Variants in CCDC88B observed in about 807,000 individuals in gnomAD.
CCDC88B encodes coiled-coil and HOOK domain protein 88B, also known as coiled-coil domain-containing protein 88B.
Under a neutral mutation model 183.7 loss-of-function variants are expected in CCDC88B, and 138 were observed. The observed-to-expected ratio is 0.75, with a 90% confidence interval of 0.65 to 0.87. The LOEUF is 0.87. Ranked by LOEUF, CCDC88B falls within the 40% of genes least tolerant of loss-of-function variation. The pLI, the probability that CCDC88B is intolerant of heterozygous loss-of-function variation, is 0.00. For synonymous variants in CCDC88B, 835 were observed against 867.5 expected (o/e 0.96, Z 0.66); for missense variants, 1,822 against 1,965.6 (o/e 0.93, Z 1.38).
rs1306691780 is a variant in CCDC88B, at chr11:64,353,463, G to A, written c.3800G>A (p.Arg1267Gln). 1.2e-5 allele frequency: 20 copies of A among 1,612,304 alleles called. No homozygotes were observed. In the South Asian group the frequency reaches 1.3e-4, roughly 11 times the overall value. The change falls in exon 22 of 27, where the codon CGG (arginine) becomes CAG (glutamine). Residue 1267 changes from arginine (R) to glutamine (Q), a missense_variant. Transcript: ENST00000356786. ...RELLERSLES[R>Q]DHLHREQREY... ...CTCCTGGAGCGCAGCCTGGAGAGTC[G>A]GGACCACCTGCACCGCGAACAGCGG... is the stretch of plus-strand genomic sequence containing the variant.
chr11:64,341,859 C>A, intron 7 of CCDC88B, 117 bp downstream of exon 7: 1 of 744,006 alleles, frequency 1.3e-6, no homozygotes, highest in South Asian at 2.3e-5. Flanking sequence ...GGTCTGAGGT[C>A]TTGGGCCATC....
Position 64,344,728 on chromosome 11 carries a change from C to T in CCDC88B, c.2187C>T (p.Ala729=). ...CCAGTGGTGTCGCAGAGCAGGAGGC[C>T]CTCAGGGAGGAGGTGGCACAGTTGA... ...SLASGVAEQE[A]LREEVAQLRR... The change falls in exon 14 of 27, where the codon GCC becomes GCT. Residue 729 remains alanine, a synonymous_variant. Transcript: ENST00000356786. The surrounding 1 kb of genome is among the most constrained non-coding windows in gnomAD (Gnocchi z 4.5). 1 of 1,614,098 alleles carries T rather than the reference C, an allele frequency of 6.2e-7. No homozygotes were observed. The highest frequency in any genetic ancestry group is 8.5e-7 in the Non-Finnish European group (1 of 1,180,006).
At position 64,357,073 on chromosome 11, in the gene CCDC88B, C is replaced by T. The variant is rs2036569180; in HGVS notation, c.4410C>T (p.Leu1470=). 3 of 1,609,866 alleles carry T rather than the reference C, an allele frequency of 1.9e-6. No homozygotes were observed. Among genetic ancestry groups the T allele is most frequent in the Non-Finnish European group, 2.5e-6 (3 of 1,177,536 alleles). Residue 1470 remains leucine (L), a synonymous_variant, in exon 27 of 27, where the codon CTC becomes CTT. Coordinates refer to ENST00000356786, the MANE Select transcript of CCDC88B (RefSeq NM_032251.6). ...PEVQEPEKRP[L]TPSLSQ ...TACAGGAACCGGAGAAACGTCCCCT[C>T]ACCCCATCCCTCAGCCAGTGACACC...
chr11:64,357,048 T>TACAGGAACCGGAC lies in CCDC88B; in HGVS notation c.4397_4398insCACAGGAACCGGA (p.Glu1466AspfsTer61). On this transcript the variant is annotated frameshift_variant, in exon 27 of 27. Transcript: ENST00000356786. LOFTEE classifies it high-confidence loss of function. ...GAGCCTTTCCCTCTAGGCCCTGAGG[T>TACAGGAACCGGAC]ACAGGAACCGGAGAAACGTCCCCTC... The TACAGGAACCGGAC allele has an allele frequency of 1.3e-6, 2 of 1,596,080 alleles. No homozygotes were observed. Among genetic ancestry groups the TACAGGAACCGGAC allele is most frequent in the Non-Finnish European group, 1.7e-6 (2 of 1,169,436 alleles).
chr11:64,354,685 G>GC (rs2036474298), intron 24 of CCDC88B, among the ~76,000 whole-genome samples: 2 of 29,630 alleles, frequency 6.7e-5, no homozygotes, highest in Non-Finnish European at 1.4e-4. Context: ...CCCTGCATGA[G>GC]CCTCCGCCCC....
intron 24 of CCDC88B, among the ~76,000 whole-genome samples, chr11:64,354,523 G>A (rs917755918): frequency 1.3e-5 from 2 of 152,026 alleles, no homozygotes; most frequent in Admixed American, 1.3e-4. Context: ...CATGCAGTGA[G>A]TTAGTATGAA....
At chr11:64,350,143 T>G (rs1455438726) in intron 16 of CCDC88B, 2 of 183,686 alleles carry the variant, frequency 1.1e-5, no homozygotes, top group East Asian at 1.4e-4. Context: ...GAGGAGGCCA[T>G]GCAGGGGCTT....
In CCDC88B at chr11:64,344,614, G is replaced by C. The variant is rs927482477; in HGVS notation, c.2073G>C (p.Arg691Ser). 6.2e-6 allele frequency: 10 copies of C among 1,612,580 alleles called. No homozygotes were observed. Among genetic ancestry groups the C allele is most frequent in the Non-Finnish European group, 8.5e-6 (10 of 1,179,410 alleles). Reference sequence around the variant, plus strand: ...ACCAGAGGCTGGAAGGGACGGTCAGGGACCCAGCCTGGCAAAAACCACAGC... The same window carrying C: ...ACCAGAGGCTGGAAGGGACGGTCAGCGACCCAGCCTGGCAAAAACCACAGC... Reference protein sequence around the residue: ...EHDQRLEGTVRDPAWQKPQQK... With the variant: ...EHDQRLEGTVSDPAWQKPQQK... The change falls in exon 14 of 27, where the codon AGG becomes AGC. Residue 691 changes from arginine (R) to serine (S), a missense_variant. Transcript: ENST00000356786. The surrounding 1 kb of genome is among the most constrained non-coding windows in gnomAD (Gnocchi z 4.5).
rs1321550221 is a variant in CCDC88B, at chr11:64,342,592, G to T, written c.974G>T (p.Arg325Leu). ...GAGGAGGCAGAGGCGCTGCGGGAGC[G>T]GGCCGGCCGCCTGCCCCGCCTGCAG... The part of the protein sequence containing the change: ...YREEAEALRE[R>L]AGRLPRLQEE... Residue 325 changes from arginine (R) to leucine (L), a missense_variant, in exon 10 of 27, where the codon CGG becomes CTG. Coordinates refer to ENST00000356786, the MANE Select transcript of CCDC88B (RefSeq NM_032251.6). The T allele has an allele frequency of 8.5e-6, 13 of 1,530,890 alleles. No homozygotes were observed. Among genetic ancestry groups the T allele is most frequent in the East Asian group, 2.5e-5 (1 of 40,796 alleles). The allele number at this position is 1,530,890 out of a possible 1,614,324, so 94.8% of individuals were successfully genotyped here.
intron 24 of CCDC88B, 134 bp from the exon 25 acceptor site, chr11:64,355,060 T>A: frequency 2.6e-6 from 1 of 382,614 alleles, no homozygotes; most frequent in Non-Finnish European, 4.0e-6. Flanking sequence ...TGCAGGAGCC[T>A]CAGCACCCCC....
Position 64,354,123 on chromosome 11 carries a change from GC to G in CCDC88B, c.4058del (p.Pro1353ArgfsTer256), listed in dbSNP as rs766453848. On this transcript the variant is annotated frameshift_variant, in exon 24 of 27. Transcript: ENST00000356786. LOFTEE classifies it high-confidence loss of function. ...GCTGGCAGCACCGAGAGCCTGGGGG[GC>G]CCCCCGGAGACGGAGCTTCCTGAGG... ...DGAGSTESLG[G>X]PPETELPEGR... 1.1e-5 allele frequency: 15 copies of G among 1,374,494 alleles called. No homozygotes were observed. Among genetic ancestry groups the G allele is most frequent in the Admixed American group, 6.3e-5 (2 of 31,878 alleles). The allele number at this position is 1,374,494 out of a possible 1,614,324, so 85.1% of individuals were successfully genotyped here. A position where few individuals can be genotyped will look rare whatever the true frequency, so the allele number is the denominator to read the frequency against.
In CCDC88B at chr11:64,352,778, G is replaced by A. The variant is rs766341806; in HGVS notation, c.3391G>A (p.Glu1131Lys). The A allele has an allele frequency of 9.9e-6, 16 of 1,613,434 alleles. No homozygotes were observed. The highest frequency in any genetic ancestry group is 1.3e-5 in the Non-Finnish European group (15 of 1,180,010). Residue 1131 changes from glutamate (E) to lysine (K), a missense_variant, in exon 20 of 27, where the codon GAG (glutamate) becomes AAG (lysine). Coordinates refer to ENST00000356786, the MANE Select transcript of CCDC88B (RefSeq NM_032251.6). ...EQLQAQRASV[E>K]AQEVALLAER... Reference sequence around the variant, plus strand: ...GCTGCAGGCCCAGCGGGCCAGCGTGGAGGCACAGGAGGTGGCCCTGCTGGC... The same window carrying A: ...GCTGCAGGCCCAGCGGGCCAGCGTGAAGGCACAGGAGGTGGCCCTGCTGGC...
chr11:64,342,142 G>T lies in CCDC88B; in HGVS notation c.821+3G>T. On this transcript the variant is annotated splice_donor_region_variant and intron_variant, in intron 8 of 26. Coordinates refer to ENST00000356786, the MANE Select transcript of CCDC88B (RefSeq NM_032251.6). ...CTGCGGCGTCTGCGGCAGGAGCTGT[G>T]AGTGTGCGCAGCCTGGGAAGGGGAC... 1 of 1,607,486 alleles carries T rather than the reference G, an allele frequency of 6.2e-7. No homozygotes were observed. The highest frequency in any genetic ancestry group is 8.5e-7 in the Non-Finnish European group (1 of 1,178,106).
In CCDC88B at chr11:64,354,112, G is replaced by A. The variant is rs571788762; in HGVS notation, c.4041G>A (p.Glu1347=). The change falls in exon 24 of 27, where the codon GAG becomes GAA. Residue 1347 remains glutamate (E), a synonymous_variant. Transcript: ENST00000356786. ...RLGADGAGST[E]SLGGPPETEL... ...GGGCCGATGGGGCTGGCAGCACCGA[G>A]AGCCTGGGGGGCCCCCCGGAGACGG... 70 of 1,383,190 alleles carry A rather than the reference G, an allele frequency of 5.1e-5. 1 individual carries two copies. The South Asian group carries it at 1.3e-3, about 25-fold the overall frequency. 85.7% of individuals were successfully genotyped at this position (1,383,190 alleles called of 1,614,324 possible).
chr11:64,340,810 G>C (rs772500937), intron 2 of CCDC88B, 58 bp downstream of exon 2: 4 of 1,556,810 alleles, frequency 2.6e-6, no homozygotes, highest in East Asian at 2.2e-5. Context: ...GGGGAAGCGG[G>C]TGGGCGGAGC....
rs1282586755 is a variant in CCDC88B at position 64,357,467 on chromosome 11, C to T, written c.*373C>T. On this transcript the variant is annotated 3_prime_UTR_variant, in exon 27 of 27. Coordinates refer to ENST00000356786, the MANE Select transcript of CCDC88B (RefSeq NM_032251.6). ...AGTCCCAGTGCTGGGGGACTGTGGC[C>T]TGGGCTGATCTTGAGCCTTAACTGG... 11 of 715,388 alleles carry T rather than the reference C, an allele frequency of 1.5e-5. No individual in the cohort carries two copies. Among genetic ancestry groups the T allele is most frequent in the East Asian group, 2.7e-5 (1 of 37,290 alleles). 44.3% of individuals were successfully genotyped at this position (715,388 alleles called of 1,614,324 possible). A position where few individuals can be genotyped will look rare whatever the true frequency, so the allele number is the denominator to read the frequency against.
intron 14 of CCDC88B, chr11:64,348,968 G>C (rs1217395613): frequency 1.4e-6 from 1 of 717,480 alleles, no homozygotes; most frequent in East Asian, 2.7e-5. Context: ...CTCTCTAGCT[G>C]TCTCGCTGTC....
chr11:64,352,271 C>T lies in CCDC88B; in HGVS notation c.3241C>T (p.Leu1081=), dbSNP rs2036365065. The change falls in exon 19 of 27, where the codon CTG becomes TTG. Residue 1081 remains leucine, a synonymous_variant. Transcript: ENST00000356786. ...GGCCCTGCTTCGGGACCACAAGGCC[C>T]TGGCACAGCTGCAGCGGCGGCAGGA... The part of the protein sequence containing the change: ...QQALLRDHKA[L]AQLQRRQEAE... 1 of 1,595,954 alleles carries T rather than the reference C, an allele frequency of 6.3e-7. No homozygotes were observed. The highest frequency in any genetic ancestry group is 1.3e-5 in the African/African-American group (1 of 74,438).
At chr11:64,347,335 C>T (rs964068002) in intron 14 of CCDC88B, among the ~76,000 whole-genome samples, 3 of 152,176 alleles carry the variant, frequency 2.0e-5, no homozygotes, top group Non-Finnish European at 4.4e-5. Context: ...TGTGAAAAGG[C>T]GCGAGGAAGG....
Sources: gnomAD v4.1 joint callset for allele counts (sites outside exome capture counted in the v4.1 genomes callset) on GRCh38, gnomAD v4.1.1 for gene constraint, Gnocchi (gnomAD v3.1) non-coding constraint, MANE v1.5 for transcripts, NCBI Gene and HGNC (gene_info 2026-07-23, HGNC 2026-07-21) for gene names.